RMDN1: variants seen among roughly 807,000 people sequenced by gnomAD.
The protein encoded by RMDN1 is regulator of microtubule dynamics protein 1.
RMDN1 carries 48 observed loss-of-function variants against 48.9 expected under a neutral mutation model. That is an observed-to-expected ratio of 0.98 (90% CI 0.78 to 1.25). The LOEUF is 1.25. RMDN1 is among the 50% of genes most tolerant of loss of function. The pLI, the probability that RMDN1 is intolerant of heterozygous loss-of-function variation, is 0.00. For synonymous variants in RMDN1, 148 were observed against 132.6 expected, an observed-to-expected ratio of 1.12 and a Z score of -0.80; for missense variants, 418 against 373.4, an observed-to-expected ratio of 1.12 and a Z score of -0.98.
chr8:86,477,247 T>A, intron 8 of RMDN1, 47 bp downstream of exon 8: 1 of 1,328,844 alleles, frequency 7.5e-7, no homozygotes, highest in Non-Finnish European at 1.0e-6. Context: ...TATTCAGCAT[T>A]CATACAATTT....
chr8:86,473,936 C>A lies in RMDN1; in HGVS notation c.*372G>T. On this transcript the variant is annotated 3_prime_UTR_variant, in exon 10 of 10. Transcript: ENST00000406452. ...TCAAGATTTCAACTTAGAATCAATCCAATTTGAAAATCCATCCCCCTGTAT... is the reference window on the plus strand; with the variant it reads ...TCAAGATTTCAACTTAGAATCAATCAAATTTGAAAATCCATCCCCCTGTAT... The A allele has an allele frequency of 9.9e-7, 1 of 1,009,456 alleles. No individual in the cohort carries two copies. Among genetic ancestry groups the A allele is most frequent in the Non-Finnish European group, 1.2e-6 (1 of 845,514 alleles). 62.5% of individuals were successfully genotyped at this position (1,009,456 alleles called of 1,614,324 possible).
At chr8:86,476,152 T>C (rs1401170893) in intron 8 of RMDN1, among the ~76,000 whole-genome samples, 1 of 152,206 alleles carries the variant, frequency 6.6e-6, no homozygotes, top group Non-Finnish European at 1.5e-5. Flanking sequence ...GGTAGGACCA[T>C]GTTTTTCTCA....
In RMDN1 at chr8:86,474,942, A is replaced by G; in HGVS notation, c.772T>C (p.Phe258Leu). The change falls in exon 9 of 10, where the codon TTC becomes CTC. Residue 258 changes from phenylalanine to leucine, a missense_variant. Phe to Leu is a conservative substitution (Grantham distance 22, BLOSUM62 0). Coordinates refer to ENST00000406452, the MANE Select transcript of RMDN1 (RefSeq NM_016033.3). Reference sequence around the variant, plus strand: ...AAAAGAAGTAAGTTTTTGCTGTAGAAGTTTGGATCCACTGCACATAAGAAA... The same window carrying G: ...AAAAGAAGTAAGTTTTTGCTGTAGAGGTTTGGATCCACTGCACATAAGAAA... ...FHRAEQVDPNFYSKNLLLLGK... is the reference protein window; with the variant it reads ...FHRAEQVDPNLYSKNLLLLGK... The G allele has an allele frequency of 6.2e-7, 1 of 1,606,784 alleles. No homozygotes were observed. The highest frequency in any genetic ancestry group is 8.5e-7 in the Non-Finnish European group (1 of 1,178,060).
At chr8:86,493,744 A>C (rs2130993150) in intron 2 of RMDN1, among the ~76,000 whole-genome samples, 1 of 152,344 alleles carries the variant, frequency 6.6e-6, no homozygotes, top group East Asian at 1.9e-4. Flanking sequence ...CAGTGCACAC[A>C]AACTTTGTTT....
chr8:86,502,333 C>T (rs994070564), intron 2 of RMDN1, among the ~76,000 whole-genome samples: 3 of 152,004 alleles, frequency 2.0e-5, no homozygotes, highest in African/African-American at 4.8e-5. Context: ...ACCTCCTGGA[C>T]TCAAGTGATC....
In RMDN1 at chr8:86,473,457, G is replaced by A; in HGVS notation, c.*851C>T. The A allele has an allele frequency of 3.0e-6, 3 of 985,278 alleles. No individual in the cohort carries two copies. Among genetic ancestry groups the A allele is most frequent in the Non-Finnish European group, 3.6e-6 (3 of 829,894 alleles). The allele number at this position is 985,278 out of a possible 1,614,324, so 61.0% of individuals were successfully genotyped here. ...TCTGATGACAAATTCAGTTTACCATGAGACTACACCACATTTAAAGTAAAC... is the reference window on the plus strand; with the variant it reads ...TCTGATGACAAATTCAGTTTACCATAAGACTACACCACATTTAAAGTAAAC... On this transcript the variant is annotated 3_prime_UTR_variant, in exon 10 of 10. Transcript: ENST00000406452.
intron 7 of RMDN1, 26 bp from the exon 8 acceptor site, chr8:86,477,350 CA>C: frequency 6.4e-7 from 1 of 1,572,302 alleles, no homozygotes; most frequent in Non-Finnish European, 8.7e-7. Context: ...AGAGCCCAAA[CA>C]TAATAAAAAA....
chr8:86,483,195 A>G (rs1401920339), intron 5 of RMDN1, among the ~76,000 whole-genome samples: 1 of 152,210 alleles, frequency 6.6e-6, no homozygotes, highest in African/African-American at 2.4e-5. Flanking sequence ...TTTATATGTA[A>G]ATACTAAATA....
At position 86,472,745 on chromosome 8, in the gene RMDN1, A is replaced by T; in HGVS notation, c.*1563T>A. 2.5e-6 allele frequency: 1 copy of T among 399,050 alleles called. No homozygotes were observed. The highest frequency in any genetic ancestry group is 4.4e-6 in the Non-Finnish European group (1 of 225,668). The allele number at this position is 399,050 out of a possible 1,614,324, so 24.7% of individuals were successfully genotyped here. ...TATGCATGAATAAGTATAAGAAAAT[A>T]ACTGCTTATTGGTAGCATATACATT... On this transcript the variant is annotated 3_prime_UTR_variant, in exon 10 of 10. Transcript: ENST00000406452.
At chr8:86,486,132 G>A (rs1002812258) in intron 4 of RMDN1, among the ~76,000 whole-genome samples, 1 of 152,140 alleles carries the variant, frequency 6.6e-6, no homozygotes, top group African/African-American at 2.4e-5. Flanking sequence ...TAAGGAAAAT[G>A]AGAAAACATC....
At position 86,486,598 on chromosome 8, in the gene RMDN1, A is replaced by G. The variant is rs145103067; in HGVS notation, c.381T>C (p.Asp127=). ...LLWRLARASR[D]VAQLSRTSEE... The stretch of plus-strand genomic sequence containing the variant: ...CTGAGGTTCTGCTAAGCTGAGCTAC[A>G]TCACGTGATGCCCGTGCCAAACGCC... The change falls in exon 4 of 10, where the codon GAT becomes GAC. Residue 127 remains aspartate (D), a synonymous_variant. Coordinates refer to ENST00000406452, the MANE Select transcript of RMDN1 (RefSeq NM_016033.3). The G allele has an allele frequency of 5.0e-6, 8 of 1,611,200 alleles. No homozygotes were observed. In the African/African-American group the frequency reaches 1.1e-4, roughly 22 times the overall value.
chr8:86,480,363 T>C, intron 5 of RMDN1, 31 bp from the exon 6 acceptor site: 1 of 1,318,628 alleles, frequency 7.6e-7, no homozygotes, highest in East Asian at 2.5e-5. Flanking sequence ...TAAATCATAT[T>C]TGTTTTCTAA....
chr8:86,491,320 G>C (rs1294859292), intron 2 of RMDN1, among the ~76,000 whole-genome samples: 3 of 151,998 alleles, frequency 2.0e-5, no homozygotes, highest in East Asian at 3.9e-4. Flanking sequence ...ATTTTTAGTA[G>C]AGACAGGGTT....
At chr8:86,470,438 T>C (rs929831472), downstream of RMDN1, 1 of 1,257,204 alleles carries the variant, frequency 8.0e-7, no homozygotes, top group Non-Finnish European at 1.0e-6. Flanking sequence ...AGAGACTTAG[T>C]GCACAGAATC....
chr8:86,504,746 C>T (rs1563660845), intron 2 of RMDN1: 3 of 1,041,112 alleles, frequency 2.9e-6, no homozygotes, highest in Admixed American at 3.4e-5. Flanking sequence ...TTATTGTGGC[C>T]GAACTCTTCA....
intron 2 of RMDN1, chr8:86,505,044 A>T (rs1355050186): frequency 6.8e-7 from 1 of 1,463,038 alleles, no homozygotes; most frequent in Non-Finnish European, 9.2e-7. Context: ...CCAGGCTGCT[A>T]AGGAGACCAC....
chr8:86,498,930 G>T (rs1374792301), intron 2 of RMDN1, among the ~76,000 whole-genome samples: 1 of 152,030 alleles, frequency 6.6e-6, no homozygotes, highest in African/African-American at 2.4e-5. Flanking sequence ...CAATAAATGG[G>T]ATTCATCACA....
chr8:86,508,178 G>C (rs934983753), intron 1 of RMDN1: 3 of 320,872 alleles, frequency 9.3e-6, no homozygotes, highest in African/African-American at 4.3e-5. Context: ...TCGCCTACAG[G>C]GAGAATAATT....
chr8:86,487,815 A>G (rs1305562411), intron 3 of RMDN1, among the ~76,000 whole-genome samples: 2 of 152,174 alleles, frequency 1.3e-5, no homozygotes, highest in Non-Finnish European at 2.9e-5. Flanking sequence ...TTACTAAGGG[A>G]AGAATGGAGA....
Sources: gnomAD v4.1 joint callset for allele counts (sites outside exome capture counted in the v4.1 genomes callset) on GRCh38, gnomAD v4.1.1 for gene constraint, MANE v1.5 for transcripts, NCBI Gene and HGNC (gene_info 2026-07-23, HGNC 2026-07-21) for gene names.